The following PRDM11 variants were observed in gnomAD, a reference collection of about 807,000 sequenced individuals.
PRDM11 encodes PR domain-containing protein 11.
PRDM11 carries 20 observed loss-of-function variants against 97.8 expected under a neutral mutation model. That is an observed-to-expected ratio of 0.20 (90% CI 0.14 to 0.30). PRDM11 has a LOEUF of 0.30. PRDM11 is among the 10% of genes least tolerant of loss of function. The pLI, the probability that PRDM11 is intolerant of heterozygous loss-of-function variation, is 1.00. For missense variants in PRDM11, 1,139 were observed against 1,555.2 expected (o/e 0.73, Z 4.50); for synonymous variants, 599 against 637.7 (o/e 0.94, Z 0.91).
At chr11:45,108,865 G>T (rs1482412551) in intron 1 of PRDM11, among the ~76,000 whole-genome samples, 1 of 152,260 alleles carries the variant, frequency 6.6e-6, no homozygotes, top group East Asian at 1.9e-4. Flanking sequence ...TGAAGCAGCT[G>T]ACACAAGTGT....
At chr11:45,129,474 A>G (rs1167805301) in intron 1 of PRDM11, among the ~76,000 whole-genome samples, 3 of 152,218 alleles carry the variant, frequency 2.0e-5, no homozygotes, top group Non-Finnish European at 4.4e-5. Context: ...CTTTTCAGAA[A>G]TCAATTGTAT....
chr11:45,162,099 C>G (rs1018128753), intron 1 of PRDM11, among the ~76,000 whole-genome samples: 4 of 152,230 alleles, frequency 2.6e-5, no homozygotes, highest in African/African-American at 7.2e-5. Context: ...GGATTATTTC[C>G]TAAGAGGCGA....
intron 1 of PRDM11, among the ~76,000 whole-genome samples, chr11:45,162,494 G>T (rs1004273271): frequency 3.9e-5 from 6 of 152,170 alleles, no homozygotes; most frequent in Middle Eastern, 6.3e-3. Context: ...AACTGACCTG[G>T]TCTAGTTTTA....
At chr11:45,163,489 G>GC (rs1565278987) in intron 1 of PRDM11, among the ~76,000 whole-genome samples, 1 of 3,114 alleles carries the variant, frequency 3.2e-4, no homozygotes, top group Non-Finnish European at 5.6e-3. Context: ...GCTTGAGGAT[G>GC]GGGGGGGGTA....
intron 1 of PRDM11, among the ~76,000 whole-genome samples, chr11:45,170,141 G>A (rs1416913645): frequency 6.6e-6 from 1 of 152,122 alleles, no homozygotes; most frequent in Non-Finnish European, 1.5e-5. Flanking sequence ...TCAGGAGTTC[G>A]AGACTAACCT....
intron 1 of PRDM11, among the ~76,000 whole-genome samples, chr11:45,178,089 A>G (rs1411419714): frequency 6.6e-6 from 1 of 151,922 alleles, no homozygotes; most frequent in African/African-American, 2.4e-5. Context: ...AAACGTTTAT[A>G]TGCCTCGGTC....
At chr11:45,191,024 T>G (rs1852894273) in intron 4 of PRDM11, among the ~76,000 whole-genome samples, 2 of 152,208 alleles carry the variant, frequency 1.3e-5, no homozygotes, top group African/African-American at 4.8e-5. Context: ...AGTAACATCC[T>G]TTGTGGTTTT....
intron 1 of PRDM11, among the ~76,000 whole-genome samples, chr11:45,127,987 G>C (rs1373246751): frequency 6.6e-6 from 1 of 152,232 alleles, no homozygotes; most frequent in African/African-American, 2.4e-5. Context: ...TTGAGCTGTG[G>C]TGGGCTCCAC....
intron 4 of PRDM11, among the ~76,000 whole-genome samples, chr11:45,199,920 G>C (rs186384095): frequency 5.6e-4 from 85 of 152,292 alleles, no homozygotes; most frequent in African/African-American, 2.0e-3. Flanking sequence ...TAGATTCCCA[G>C]GTCCAGGGCT....
intron 1 of PRDM11, among the ~76,000 whole-genome samples, chr11:45,148,117 ACT>A (rs1851568713): frequency 6.6e-6 from 1 of 151,954 alleles, no homozygotes; most frequent in East Asian, 1.9e-4. Flanking sequence ...TTGCCCGCCG[ACT>A]CTCTGAAAGG....
intron 1 of PRDM11, among the ~76,000 whole-genome samples, chr11:45,178,930 T>C (rs1441002477): frequency 6.6e-6 from 1 of 152,204 alleles, no homozygotes; most frequent in Non-Finnish European, 1.5e-5. Flanking sequence ...AATCAAGTAA[T>C]CCTGCTAACA....
At chr11:45,187,739 G>C (rs1200078699) in intron 4 of PRDM11, among the ~76,000 whole-genome samples, 2 of 152,174 alleles carry the variant, frequency 1.3e-5, no homozygotes, top group East Asian at 1.9e-4. Flanking sequence ...GGGAACCCAA[G>C]AGGTGAGAGA....
intron 1 of PRDM11, among the ~76,000 whole-genome samples, chr11:45,173,415 A>G (rs754482806): frequency 6.6e-6 from 1 of 152,252 alleles, no homozygotes; most frequent in Non-Finnish European, 1.5e-5. Context: ...TGAGGTCAGG[A>G]GTTCAAGACC....
At chr11:45,128,503 C>T (rs1189130187) in intron 1 of PRDM11, among the ~76,000 whole-genome samples, 2 of 140,600 alleles carry the variant, frequency 1.4e-5, no homozygotes, top group African/African-American at 2.6e-5. Context: ...ACCCCGCGCA[C>T]CCCCCCTCCC....
At position 45,233,401 on chromosome 11, in the gene PRDM11, G is replaced by T. The variant is rs1276740129; in HGVS notation, c.*5242G>T. Reference sequence around the variant, plus strand: ...AGATACCCCCTGAGCTCCAGCTGAGGTGCCCCCTACCTCTCCCCACCCCCA... The same window carrying T: ...AGATACCCCCTGAGCTCCAGCTGAGTTGCCCCCTACCTCTCCCCACCCCCA... On this transcript the variant is annotated 3_prime_UTR_variant, in exon 8 of 8. Transcript: ENST00000683152. 1.3e-5 allele frequency: 2 copies of T among 152,204 alleles called. No individual in the cohort carries two copies. Among genetic ancestry groups the T allele is most frequent in the African/African-American group, 4.8e-5 (2 of 41,382 alleles). The allele number at this position is 152,204 out of a possible 1,614,324, so 9.4% of individuals were successfully genotyped here.
chr11:45,102,906 G>A (rs535927831), intron 1 of PRDM11, among the ~76,000 whole-genome samples: 2 of 152,312 alleles, frequency 1.3e-5, no homozygotes, highest in South Asian at 2.1e-4. Context: ...CTGGTCGACC[G>A]AGGAAGGGAG....
intron 5 of PRDM11, among the ~76,000 whole-genome samples, chr11:45,215,087 T>C (rs6485601): frequency 0.9 from 137,737 of 152,284 alleles, 63,243 homozygotes; most frequent in Non-Finnish European, 0.98. Flanking sequence ...ACAGGAGGCT[T>C]TAGAAGGGTC....
At chr11:45,184,835 C>T (rs1852645342) in intron 4 of PRDM11, among the ~76,000 whole-genome samples, 1 of 151,840 alleles carries the variant, frequency 6.6e-6, no homozygotes, top group Admixed American at 6.6e-5. Context: ...CATGGGTGGT[C>T]AGTGGGGGTG....
chr11:45,102,831 A>C (rs2135595904), intron 1 of PRDM11, among the ~76,000 whole-genome samples: 1 of 152,366 alleles, frequency 6.6e-6, no homozygotes, highest in South Asian at 2.1e-4. Flanking sequence ...ATGCCAGAGC[A>C]GTCAGGGAAG....
Sources: gnomAD v4.1 joint callset for allele counts (sites outside exome capture counted in the v4.1 genomes callset) on GRCh38, gnomAD v4.1.1 for gene constraint, MANE v1.5 for transcripts, NCBI Gene and HGNC (gene_info 2026-07-23, HGNC 2026-07-21) for gene names.